ADAMTS3: variants seen among roughly 807,000 people sequenced by gnomAD.
ADAMTS3 encodes A disintegrin and metalloproteinase with thrombospondin motifs 3.
In ADAMTS3, 73 loss-of-function variants were observed where a neutral mutation model predicts 129.0. That is an observed-to-expected ratio of 0.57 (90% confidence interval 0.47 to 0.69). The LOEUF is 0.69. Among genes scored for constraint, ADAMTS3 ranks in the 30% least tolerant of loss-of-function variants. The pLI is 0.00. For synonymous variants in ADAMTS3, 477 were observed against 510.8 expected (o/e 0.93, Z 0.89); for missense variants, 1,457 against 1,514.5 (o/e 0.96, Z 0.63).
At chr4:72,558,760 G>A (rs1721830279) in intron 2 of ADAMTS3, among the ~76,000 whole-genome samples, 1 of 151,470 alleles carries the variant, frequency 6.6e-6, no homozygotes, top group Admixed American at 6.6e-5. Flanking sequence ...TTCCCTTCAG[G>A]TTAACCATGT....
At chr4:72,483,064 G>A (rs1719481805) in intron 3 of ADAMTS3, among the ~76,000 whole-genome samples, 1 of 152,080 alleles carries the variant, frequency 6.6e-6, no homozygotes, top group Non-Finnish European at 1.5e-5. Context: ...ATTATTGACT[G>A]AATGCAATTT....
chr4:72,401,731 A>T (rs1345404600), intron 4 of ADAMTS3, among the ~76,000 whole-genome samples: 1 of 152,086 alleles, frequency 6.6e-6, no homozygotes, highest in African/African-American at 2.4e-5. Context: ...TTTAAGAAAA[A>T]AAGTCAGAGA....
intron 21 of ADAMTS3, among the ~76,000 whole-genome samples, chr4:72,285,163 C>T (rs192682169): frequency 2.6e-5 from 4 of 152,242 alleles, no homozygotes; most frequent in East Asian, 3.9e-4. Flanking sequence ...AGTCAGCTGG[C>T]GAAGCCAATA....
chr4:72,560,223 A>T (rs530704789), intron 2 of ADAMTS3, among the ~76,000 whole-genome samples: 1 of 139,170 alleles, frequency 7.2e-6, no homozygotes, highest in African/African-American at 3.3e-5. Flanking sequence ...CAAAACTATA[A>T]AAAAAAAAAA....
In ADAMTS3 at chr4:72,548,871, C is replaced by A. The variant is rs756243336; in HGVS notation, c.111G>T (p.Lys37Asn). ...EEMVQIDLPI[K>N]RYREYELVTP... ...TCACCAGCTCATACTCTCTATATCT[C>A]TTTATTGGTAAATCTGTGGGGTGAA... is the stretch of plus-strand genomic sequence containing the variant. The change falls in exon 3 of 22, where the codon AAG (lysine) becomes AAT (asparagine). Residue 37 changes from lysine (K) to asparagine (N), a missense_variant. Coordinates refer to ENST00000286657, the MANE Select transcript of ADAMTS3 (RefSeq NM_014243.3). 1 of 1,605,842 alleles carries A rather than the reference C, an allele frequency of 6.2e-7. No individual in the cohort carries two copies. Among genetic ancestry groups the A allele is most frequent in the Non-Finnish European group, 8.5e-7 (1 of 1,174,924 alleles).
At chr4:72,540,411 T>C (rs562555173) in intron 3 of ADAMTS3, among the ~76,000 whole-genome samples, 23 of 152,180 alleles carry the variant, frequency 1.5e-4, no homozygotes, top group Non-Finnish European at 2.9e-5. Context: ...AAGCAGAGCA[T>C]AGAAGTTTGG....
intron 3 of ADAMTS3, among the ~76,000 whole-genome samples, chr4:72,505,161 T>C (rs1720125414): frequency 6.6e-6 from 1 of 152,214 alleles, no homozygotes; most frequent in South Asian, 2.1e-4. Context: ...ATTCTTGTGC[T>C]AGTTCCTTAT....
intron 4 of ADAMTS3, among the ~76,000 whole-genome samples, chr4:72,372,578 C>A (rs988209536): frequency 6.6e-6 from 1 of 151,896 alleles, no homozygotes; most frequent in Non-Finnish European, 1.5e-5. Context: ...TTCCAGAAAT[C>A]TAAAATAATC....
chr4:72,475,047 A>T (rs1719192614), intron 3 of ADAMTS3, among the ~76,000 whole-genome samples: 2 of 152,008 alleles, frequency 1.3e-5, no homozygotes, highest in East Asian at 3.9e-4. Context: ...AGAAAAAAGA[A>T]TTCTAAAAAT....
chr4:72,515,058 G>A (rs866362426), intron 3 of ADAMTS3, among the ~76,000 whole-genome samples: 4 of 151,676 alleles, frequency 2.6e-5, no homozygotes, highest in Non-Finnish European at 5.9e-5. Context: ...ATTGTTCAAT[G>A]CCCATCTATG....
chr4:72,305,737 G>A (rs955528819), intron 16 of ADAMTS3, among the ~76,000 whole-genome samples: 4 of 151,756 alleles, frequency 2.6e-5, no homozygotes, highest in African/African-American at 9.7e-5. Context: ...GTATGCACAT[G>A]TATGTACATA....
chr4:72,538,970 G>A (rs1047204382), intron 3 of ADAMTS3, among the ~76,000 whole-genome samples: 2 of 151,978 alleles, frequency 1.3e-5, no homozygotes, highest in Non-Finnish European at 2.9e-5. Context: ...CATGCCCAAA[G>A]CATAAAGCTG....
intron 4 of ADAMTS3, among the ~76,000 whole-genome samples, chr4:72,350,234 A>C (rs1017989248): frequency 1.3e-5 from 2 of 152,048 alleles, no homozygotes. Flanking sequence ...CTGTTACTAC[A>C]TTTTACTACA....
intron 19 of ADAMTS3, among the ~76,000 whole-genome samples, chr4:72,292,801 T>C (rs1239756186): frequency 6.6e-6 from 1 of 152,196 alleles, no homozygotes; most frequent in Non-Finnish European, 1.5e-5. Context: ...TGCTAAAACC[T>C]TGGCAGTCTT....
chr4:72,339,688 C>T lies in ADAMTS3; in HGVS notation c.667G>A (p.Asp223Asn), dbSNP rs539684107. The T allele has an allele frequency of 1.9e-6, 3 of 1,613,666 alleles. No individual in the cohort carries two copies. The South Asian group carries it at 3.3e-5, about 18-fold the overall frequency. ...MSKDFHYRES[D>N]LEGLDDLGTV... is the part of the protein sequence containing the mutation. ...CCTAGATCATCAAGGCCTTCCAGGTCCGACTCTAATAAGAGACAAAAGGAA... is the reference window on the plus strand; with the variant it reads ...CCTAGATCATCAAGGCCTTCCAGGTTCGACTCTAATAAGAGACAAAAGGAA... The change falls in exon 5 of 22, where the codon GAC (aspartate) becomes AAC (asparagine). Residue 223 changes from aspartate (D) to asparagine (N), a missense_variant. Physicochemically the swap from Asp to Asn is conservative, Grantham distance 23. Coordinates refer to ENST00000286657, the MANE Select transcript of ADAMTS3 (RefSeq NM_014243.3).
At chr4:72,541,387 T>C (rs1721319625) in intron 3 of ADAMTS3, among the ~76,000 whole-genome samples, 2 of 152,182 alleles carry the variant, frequency 1.3e-5, no homozygotes, top group African/African-American at 2.4e-5. Context: ...GGCTCATAGG[T>C]GGAAGGGACT....
chr4:72,418,180 AG>A (rs1241559844), intron 3 of ADAMTS3, among the ~76,000 whole-genome samples: 2 of 152,016 alleles, frequency 1.3e-5, no homozygotes, highest in Non-Finnish European at 2.9e-5. Context: ...AACTGTTAGT[AG>A]GAACAGTTGA....
intron 3 of ADAMTS3, among the ~76,000 whole-genome samples, chr4:72,473,867 C>A (rs1719150049): frequency 6.6e-6 from 1 of 152,198 alleles, no homozygotes; most frequent in Admixed American, 6.5e-5. Context: ...AGAACTTTCA[C>A]CATTGCCTGG....
At chr4:72,559,004 G>A (rs2679015) in intron 2 of ADAMTS3, among the ~76,000 whole-genome samples, 4,234 of 151,762 alleles carry the variant, frequency 0.028, 341 homozygotes, top group African/African-American at 0.099. Flanking sequence ...GCCACAACTT[G>A]TGGGAGGTGT....
Sources: gnomAD v4.1 joint callset for allele counts (sites outside exome capture counted in the v4.1 genomes callset) on GRCh38, gnomAD v4.1.1 for gene constraint, MANE v1.5 for transcripts, NCBI Gene and HGNC (gene_info 2026-07-23, HGNC 2026-07-21) for gene names.